MGST1: variants seen among roughly 807,000 people sequenced by gnomAD.
MGST1 encodes microsomal glutathione S-transferase 1.
Under a neutral mutation model 8.9 loss-of-function variants are expected in MGST1, and 5 were observed. That is an observed-to-expected ratio of 0.56 (90% CI 0.29 to 1.19). The LOEUF (loss-of-function observed/expected upper bound fraction) is 1.19, where lower values mean the gene tolerates loss of function less well. Ranked by LOEUF, MGST1 falls within the 50% of genes most tolerant of loss-of-function variation. The probability of loss-of-function intolerance (pLI) is 0.08; values close to 1 mark genes in which losing one functional copy is unlikely to be tolerated. For synonymous variants in MGST1, 54 were observed against 67.8 expected (o/e 0.80, Z 1.00); for missense variants, 182 against 187.4 (o/e 0.97, Z 0.17).
chr12:16,467,074 G>A (rs910163572), intron 4 of MGST1, among the ~76,000 whole-genome samples: 1 of 152,120 alleles, frequency 6.6e-6, no homozygotes, highest in Non-Finnish European at 1.5e-5. Flanking sequence ...AAAAATTTGG[G>A]TTGTCATGTG....
At chr12:16,447,468 A>G (rs1941089391) in intron 4 of MGST1, among the ~76,000 whole-genome samples, 1 of 151,908 alleles carries the variant, frequency 6.6e-6, no homozygotes, top group African/African-American at 2.4e-5. Flanking sequence ...GTTTTCTCAT[A>G]TGCAAGAAGG....
chr12:16,384,271 C>A (rs542673276), intron 1 of MGST1, among the ~76,000 whole-genome samples: 2 of 152,192 alleles, frequency 1.3e-5, no homozygotes, highest in East Asian at 3.9e-4. Context: ...TCCTTGGAAC[C>A]TATAAATGTG....
At chr12:16,492,624 T>A (rs1336720670) in intron 4 of MGST1, among the ~76,000 whole-genome samples, 1 of 152,182 alleles carries the variant, frequency 6.6e-6, no homozygotes, top group Non-Finnish European at 1.5e-5. Context: ...TTAAATCTTT[T>A]CTGGAGTGAT....
intron 4 of MGST1, among the ~76,000 whole-genome samples, chr12:16,505,328 A>G (rs1013975396): frequency 6.6e-6 from 1 of 152,318 alleles, no homozygotes; most frequent in Non-Finnish European, 1.5e-5. Flanking sequence ...AGGTTCATCC[A>G]TAGACAACCT....
chr12:16,434,094 C>A (rs377384883), intron 1 of MGST1, among the ~76,000 whole-genome samples: 1 of 152,126 alleles, frequency 6.6e-6, no homozygotes, highest in African/African-American at 2.4e-5. Context: ...GCACTTCATG[C>A]GTATCTATGT....
chr12:16,592,926 G>A (rs571658563), downstream of MGST1, among the ~76,000 whole-genome samples: 1 of 151,808 alleles, frequency 6.6e-6, no homozygotes, highest in South Asian at 2.1e-4. Context: ...ACATAACATT[G>A]TTCTAAAAGT....
intron 4 of MGST1, among the ~76,000 whole-genome samples, chr12:16,450,936 T>C (rs1355834539): frequency 6.6e-6 from 1 of 151,884 alleles, no homozygotes; most frequent in South Asian, 2.1e-4. Context: ...AGTACAATTA[T>C]CTGAATTTGA....
chr12:16,515,665 GA>G (rs1941608711), intron 4 of MGST1, among the ~76,000 whole-genome samples: 1 of 150,658 alleles, frequency 6.6e-6, no homozygotes, highest in African/African-American at 2.4e-5. Context: ...AAAGAATAAA[GA>G]ATGTAATTTT....
chr12:16,351,902 A>G (rs1048492280), intron 1 of MGST1, among the ~76,000 whole-genome samples: 2 of 151,264 alleles, frequency 1.3e-5, no homozygotes, highest in African/African-American at 4.8e-5. Flanking sequence ...ACCTCACCAC[A>G]TAACTGGAAA....
intron 1 of MGST1, among the ~76,000 whole-genome samples, chr12:16,402,877 G>A (rs1940669503): frequency 6.6e-6 from 1 of 150,636 alleles, no homozygotes; most frequent in African/African-American, 2.4e-5. Context: ...ATAGAAAGAA[G>A]TATTGTGGGA....
Position 16,482,436 on chromosome 12 carries a change from G to A in MGST1, n.482+98832G>A, listed in dbSNP as rs543489411. Among the ~76,000 whole-genome samples, 2 of 152,116 alleles carry A rather than the reference G, an allele frequency of 1.3e-5. No homozygotes were observed. The highest frequency in any genetic ancestry group is 2.4e-5 in the African/African-American group (1 of 41,424). On this transcript the variant is annotated intron_variant and non_coding_transcript_variant, in intron 4 of 4. Transcript: ENST00000538857. The surrounding 1 kb of genome is among the most constrained non-coding windows in gnomAD (Gnocchi z 4.2). Reference sequence around the variant, plus strand: ...TCACGAGGACAGGAGTTCCAGATCAGCCTGGCCAAGAGGGTGAAACACCGT... The same window carrying A: ...TCACGAGGACAGGAGTTCCAGATCAACCTGGCCAAGAGGGTGAAACACCGT...
Position 16,513,840 on chromosome 12 carries a change from A to C in MGST1, n.483-75688A>C, listed in dbSNP as rs1423848351. On this transcript the variant is annotated intron_variant and non_coding_transcript_variant, in intron 4 of 4. Transcript: ENST00000538857. The surrounding 1 kb of genome is among the most constrained non-coding windows in gnomAD (Gnocchi z 4.2). ...TGCAAAGATTTCTTAAGTTCAGCCA[A>C]GATGTCTTTCTGCCCAAACCAACCT... The C allele has an allele frequency of 1.6e-6, 1 of 611,418 alleles. No homozygotes were observed. The highest frequency in any genetic ancestry group is 1.8e-5 in the African/African-American group (1 of 54,226). The allele number at this position is 611,418 out of a possible 1,614,324, so 37.9% of individuals were successfully genotyped here. A position where few individuals can be genotyped will look rare whatever the true frequency, so the allele number is the denominator to read the frequency against.
chr12:16,446,249 A>C (rs1192248607), intron 4 of MGST1, among the ~76,000 whole-genome samples: 1 of 151,946 alleles, frequency 6.6e-6, no homozygotes, highest in African/African-American at 2.4e-5. Flanking sequence ...TTATCCAAAC[A>C]AATAGCTAGA....
Position 16,544,515 on chromosome 12 carries a change from A to T in MGST1, n.483-45013A>T, listed in dbSNP as rs1941811855. Among the ~76,000 whole-genome samples the T allele has an allele frequency of 6.6e-6, 1 of 152,084 alleles. No individual in the cohort carries two copies. The highest frequency in any genetic ancestry group is 1.5e-5 in the Non-Finnish European group (1 of 67,932). ...AGATTAAATGTAAATGTAGAGAATTAAGTCAAACCATGCCAAGAACACAAA... is the reference window on the plus strand; with the variant it reads ...AGATTAAATGTAAATGTAGAGAATTTAGTCAAACCATGCCAAGAACACAAA... On this transcript the variant is annotated intron_variant and non_coding_transcript_variant, in intron 4 of 4. Transcript: ENST00000538857. This position sits in a 1 kb window ranked among gnomAD's most constrained non-coding sequence, Gnocchi z 4.8.
At position 16,347,906 on chromosome 12, in the gene MGST1, T is replaced by C. The variant is rs188884532; in HGVS notation, c.-23+196T>C. On this transcript the variant is annotated intron_variant, in intron 1 of 3. Transcript: ENST00000396210. This position sits in a 1 kb window ranked among gnomAD's most constrained non-coding sequence, Gnocchi z 4.0. ...ATTTCTGTCCCCGTGCGGGTAAGTT[T>C]TCCCATTTCTCAAACTCCAGGAATG... The C allele has an allele frequency of 2.8e-4, 43 of 152,368 alleles. 1 individual carries two copies. The highest frequency in any genetic ancestry group is 2.6e-3 in the Admixed American group (40 of 15,310). The allele number at this position is 152,368 out of a possible 1,614,324, so 9.4% of individuals were successfully genotyped here. A position where few individuals can be genotyped will look rare whatever the true frequency, so the allele number is the denominator to read the frequency against.
At chr12:16,378,289 G>T (rs866959828), downstream of MGST1, among the ~76,000 whole-genome samples, 10,351 of 151,422 alleles carry the variant, frequency 0.068, 476 homozygotes, top group East Asian at 0.22. Context: ...GGTCTAACAT[G>T]TAAGTCTTTA....
chr12:16,349,749 T>C lies in MGST1; in HGVS notation c.-23+2039T>C, dbSNP rs995381712. On this transcript the variant is annotated intron_variant, in intron 1 of 3. Coordinates refer to ENST00000396210, the MANE Select transcript of MGST1 (RefSeq NM_020300.5). ...TTAACAGGTCCCAGAGCTTCTTTTT[T>C]TTTTTTTTTTTTTGAGACGGGGTCT... Among the ~76,000 whole-genome samples, 149 of 150,066 alleles carry C rather than the reference T, an allele frequency of 9.9e-4. 1 individual carries two copies. The highest frequency in any genetic ancestry group is 3.4e-3 in the African/African-American group (139 of 40,858).
chr12:16,582,884 C>T lies in MGST1; in HGVS notation n.483-6644C>T, dbSNP rs1266329289. On this transcript the variant is annotated intron_variant and non_coding_transcript_variant, in intron 4 of 4. Transcript: ENST00000538857. The surrounding 1 kb of genome is among the most constrained non-coding windows in gnomAD (Gnocchi z 4.1). ...CCAACATGGCGAAACCCCGTCTCTA[C>T]TAAAATAAAAAAATTAGCCGGGAGT... is the stretch of plus-strand genomic sequence containing the variant. Among the ~76,000 whole-genome samples, 2 of 151,768 alleles carry T rather than the reference C, an allele frequency of 1.3e-5. No individual in the cohort carries two copies. The highest frequency in any genetic ancestry group is 2.9e-5 in the Non-Finnish European group (2 of 67,920).
chr12:16,359,360 G>A (rs891044975), intron 3 of MGST1, among the ~76,000 whole-genome samples: 1 of 152,098 alleles, frequency 6.6e-6, no homozygotes, highest in Non-Finnish European at 1.5e-5. Flanking sequence ...CTACCCCCAA[G>A]CTATTCATCA....
Sources: allele counts gnomAD v4.1 joint callset (sites outside exome capture counted in the v4.1 genomes callset), GRCh38; gene constraint gnomAD v4.1.1; non-coding constraint Gnocchi (gnomAD v3.1); transcripts MANE v1.5; gene names NCBI Gene and HGNC (gene_info 2026-07-23, HGNC 2026-07-21).